TRIO: variants seen among roughly 807,000 people sequenced by gnomAD.
The protein encoded by TRIO is triple functional domain protein.
Under a neutral mutation model 351.9 loss-of-function variants are expected in TRIO, and 58 were observed. The observed-to-expected ratio is 0.16, with a 90% CI of 0.13 to 0.21. The LOEUF (loss-of-function observed/expected upper bound fraction) is 0.21, where lower values mean the gene tolerates loss of function less well. Among genes scored for constraint, TRIO ranks in the 10% least tolerant of loss-of-function variants. The pLI, the probability that TRIO is intolerant of heterozygous loss-of-function variation, is 1.00. For missense variants in TRIO, 3,201 were observed against 4,027.8 expected (o/e 0.79, Z 5.56); for synonymous variants, 1,758 against 1,595.7 (o/e 1.10, Z -2.42).
intron 1 of TRIO, among the ~76,000 whole-genome samples, chr5:14,177,899 C>T (rs949449722): frequency 2.0e-5 from 3 of 152,194 alleles, no homozygotes; most frequent in East Asian, 1.9e-4. Context: ...CTCACCATAC[C>T]GTGGCTTGGC....
chr5:14,452,082 C>T (rs796257249), intron 34 of TRIO, among the ~76,000 whole-genome samples: 3 of 152,252 alleles, frequency 2.0e-5, no homozygotes, highest in East Asian at 1.9e-4. Flanking sequence ...AGCAGACCCA[C>T]ATGTGTGCAT....
chr5:14,291,985 G>A (rs990465128), intron 5 of TRIO, among the ~76,000 whole-genome samples: 1 of 152,092 alleles, frequency 6.6e-6, no homozygotes, highest in African/African-American at 2.4e-5. Context: ...CAGACCAACT[G>A]GTCAAAGTGA....
chr5:14,167,079 C>G (rs1461707251), intron 1 of TRIO, among the ~76,000 whole-genome samples: 2 of 151,500 alleles, frequency 1.3e-5, no homozygotes, highest in East Asian at 3.9e-4. Context: ...ATTTTCTGAC[C>G]GATCACTGGG....
Position 14,398,888 on chromosome 5 carries a change from G to A in TRIO, c.4432G>A (p.Glu1478Lys). Reference sequence around the variant, plus strand: ...CTTTTTTCATGTTGTAGGGTTTGATGAAAACATTGAGTCTCAGGGAGAACT... The same window carrying A: ...CTTTTTTCATGTTGTAGGGTTTGATAAAAACATTGAGTCTCAGGGAGAACT... The part of the protein sequence containing the change: ...MHLSMLEGFD[E>K]NIESQGELIL... The change falls in exon 30 of 57, where the codon GAA becomes AAA. Residue 1478 changes from glutamate to lysine, a missense_variant. By Grantham distance (56) the Glu-to-Lys change is moderately conservative. Transcript: ENST00000344204. 6.2e-7 allele frequency: 1 copy of A among 1,611,698 alleles called. No individual in the cohort carries two copies. The highest frequency in any genetic ancestry group is 8.5e-7 in the Non-Finnish European group (1 of 1,179,184).
intron 11 of TRIO, among the ~76,000 whole-genome samples, chr5:14,355,002 G>A (rs1743484294): frequency 6.6e-6 from 1 of 152,162 alleles, no homozygotes; most frequent in South Asian, 2.1e-4. Flanking sequence ...GCACAGCACC[G>A]CTTTTTCATC....
intron 10 of TRIO, among the ~76,000 whole-genome samples, chr5:14,334,990 C>G (rs904184146): frequency 2.0e-5 from 3 of 151,966 alleles, no homozygotes; most frequent in East Asian, 1.9e-4. Flanking sequence ...AGGAATTGTT[C>G]CATAGGTGAA....
Position 14,225,788 on chromosome 5 carries a change from T to TCCC in TRIO, c.158-45036_158-45034dup, listed in dbSNP as rs1472666432. Among the ~76,000 whole-genome samples, 440 of 45,900 alleles carry TCCC rather than the reference T, an allele frequency of 9.6e-3. 10 individuals are homozygous for TCCC. The highest frequency in any genetic ancestry group is 0.012 in the Middle Eastern group (1 of 86). The allele number at this position is 45,900 out of a possible 152,430, so 30.1% of individuals were successfully genotyped here. A position where few individuals can be genotyped will look rare whatever the true frequency, so the allele number is the denominator to read the frequency against. On this transcript the variant is annotated intron_variant, in intron 1 of 56. Coordinates refer to ENST00000344204, the MANE Select transcript of TRIO (RefSeq NM_007118.4). ...CATGCTATCCCATCATATTCACTGC[T>TCCC]CCCACCCCCCCCCCCACCTCCAAGC...
intron 25 of TRIO, 94 bp downstream of exon 25, chr5:14,389,492 AT>A: frequency 1.2e-6 from 1 of 851,974 alleles, no homozygotes; most frequent in Non-Finnish European, 1.8e-6. Flanking sequence ...AATTAAGCAG[AT>A]TTCAGTGATT....
chr5:14,162,051 A>G (rs1195155743), intron 1 of TRIO, among the ~76,000 whole-genome samples: 2 of 152,316 alleles, frequency 1.3e-5, no homozygotes, highest in East Asian at 3.9e-4. Context: ...AGCTAGGGTT[A>G]GGAACCACCG....
At chr5:14,233,572 A>G (rs1409685073) in intron 1 of TRIO, among the ~76,000 whole-genome samples, 1 of 151,540 alleles carries the variant, frequency 6.6e-6, no homozygotes, top group East Asian at 1.9e-4. Flanking sequence ...TTCTCTTATT[A>G]TTATCTTATT....
intron 18 of TRIO, 113 bp downstream of exon 18, chr5:14,369,636 T>G (rs1209756691): frequency 1.0e-5 from 14 of 1,354,676 alleles, no homozygotes; most frequent in Non-Finnish European, 1.2e-5. Context: ...TTGCCTGCTG[T>G]GGAATGTAAC....
rs761969823 is a variant in TRIO at position 14,487,784 on chromosome 5, G to C, written c.7156G>C (p.Gly2386Arg). ...LPPPGAAPEA[G>R]PSAPSRRPPG... ...TCCCCCTGGCGCGGCCCCCGAGGCC[G>C]GCCCCAGCGCGCCCAGCAGGCGGCC... Residue 2386 changes from glycine to arginine, a missense_variant, in exon 48 of 57, where the codon GGC becomes CGC. Coordinates refer to ENST00000344204, the MANE Select transcript of TRIO (RefSeq NM_007118.4). 4.4e-6 allele frequency: 6 copies of C among 1,375,768 alleles called. No homozygotes were observed. The highest frequency in any genetic ancestry group is 5.6e-6 in the Non-Finnish European group (6 of 1,063,208). 85.2% of individuals were successfully genotyped at this position (1,375,768 alleles called of 1,614,324 possible).
Position 14,358,254 on chromosome 5 carries a change from A to G in TRIO, c.2123A>G (p.Asp708Gly), listed in dbSNP as rs776477154. The G allele has an allele frequency of 6.2e-7, 1 of 1,613,660 alleles. No homozygotes were observed. Among genetic ancestry groups the G allele is most frequent in the Non-Finnish European group, 8.5e-7 (1 of 1,179,670 alleles). Reference sequence around the variant, plus strand: ...GCCGAGTCGGTGGAGGCCGTGCAGGACCTCATCAAGCGCTTTGGCCAGCAG... The same window carrying G: ...GCCGAGTCGGTGGAGGCCGTGCAGGGCCTCATCAAGCGCTTTGGCCAGCAG... ...VYAESVEAVQ[D>G]LIKRFGQQQQ... is the part of the protein sequence containing the mutation. Residue 708 changes from aspartate (D) to glycine (G), a missense_variant, in exon 12 of 57, where the codon GAC (aspartate) becomes GGC (glycine). Transcript: ENST00000344204.
chr5:14,431,811 C>T (rs1751174009), intron 34 of TRIO, among the ~76,000 whole-genome samples: 1 of 152,192 alleles, frequency 6.6e-6, no homozygotes, highest in African/African-American at 2.4e-5. Flanking sequence ...TCAGCAGGGT[C>T]GGCTTCCTCT....
Position 14,336,643 on chromosome 5 carries a change from C to T in TRIO, c.1962C>T (p.Asp654=), listed in dbSNP as rs540891545. The T allele has an allele frequency of 6.2e-7, 1 of 1,614,174 alleles. No individual in the cohort carries two copies. The highest frequency in any genetic ancestry group is 8.5e-7 in the Non-Finnish European group (1 of 1,180,036). ...ATCAGGCTGCCCATCAGCTGGAAGACCGGATTCAAGATTTCGTTCGGCGTG... is the reference window on the plus strand; with the variant it reads ...ATCAGGCTGCCCATCAGCTGGAAGATCGGATTCAAGATTTCGTTCGGCGTG... The part of the protein sequence containing the change: ...EIYQAAHQLE[D]RIQDFVRRVE... The change falls in exon 11 of 57, where the codon GAC becomes GAT. Residue 654 remains aspartate, a synonymous_variant. Transcript: ENST00000344204.
intron 49 of TRIO, 135 bp downstream of exon 49, chr5:14,492,949 C>CT: frequency 7.3e-7 from 1 of 1,368,844 alleles, no homozygotes; most frequent in South Asian, 1.5e-5. Context: ...AGGCTCAGCT[C>CT]TGAGCACGTG....
In TRIO at chr5:14,483,281, G is replaced by T. The variant is rs937645611; in HGVS notation, c.6657+508G>T. ...AGACAGAGGGACAAAGAAAATAATT[G>T]CCAATGGCCCTCAAGTCTGTAAAAG... is the stretch of plus-strand genomic sequence containing the variant. On this transcript the variant is annotated intron_variant, in intron 46 of 56. Transcript: ENST00000344204. 2.0e-5 allele frequency among the ~76,000 whole-genome samples: 3 copies of T among 152,276 alleles called. No homozygotes were observed. The South Asian group carries it at 6.2e-4, about 32-fold the overall frequency.
At chr5:14,284,560 C>G (rs1736282528) in intron 3 of TRIO, among the ~76,000 whole-genome samples, 1 of 152,164 alleles carries the variant, frequency 6.6e-6, no homozygotes, top group Non-Finnish European at 1.5e-5. Flanking sequence ...ACTGTGCAAG[C>G]TCAGCGTAGC....
intron 19 of TRIO, among the ~76,000 whole-genome samples, chr5:14,377,255 T>G (rs915878421): frequency 6.6e-6 from 1 of 150,454 alleles, no homozygotes. Flanking sequence ...TTTTTTTTGT[T>G]TTTTTTTTTA....
Sources: gnomAD v4.1 joint callset for allele counts (sites outside exome capture counted in the v4.1 genomes callset) on GRCh38, gnomAD v4.1.1 for gene constraint, MANE v1.5 for transcripts, NCBI Gene and HGNC (gene_info 2026-07-23, HGNC 2026-07-21) for gene names.